The following FES variants were observed in gnomAD, a reference collection of about 807,000 sequenced individuals.
FES encodes the protein FES proto-oncogene, tyrosine kinase, also known as tyrosine-protein kinase Fes/Fps.
FES carries 83 observed loss-of-function variants against 109.6 expected under a neutral mutation model. The ratio of observed to expected loss-of-function variants is 0.76; its 90% CI spans 0.63 to 0.91. The LOEUF (loss-of-function observed/expected upper bound fraction) is 0.91, where lower values mean the gene tolerates loss of function less well. Among genes scored for constraint, FES ranks in the 40% least tolerant of loss-of-function variants. The pLI is 0.00. For missense variants in FES, 943 were observed against 1,070.9 expected (o/e 0.88, Z 1.67); for synonymous variants, 458 against 442.1 (o/e 1.04, Z -0.45).
chr15:90,887,186 G>C lies in FES; in HGVS notation c.485-1G>C, dbSNP rs1596095018. ...TATACCCCTTGCCCCCCTTCTGGCAGACAAGGACCGTGACAAGGCTAAGGA... is the reference window on the plus strand; with the variant it reads ...TATACCCCTTGCCCCCCTTCTGGCACACAAGGACCGTGACAAGGCTAAGGA... On this transcript the variant is annotated splice_acceptor_variant, in intron 4 of 18. Coordinates refer to ENST00000328850, the MANE Select transcript of FES (RefSeq NM_002005.4). LOFTEE classifies it high-confidence loss of function. The C allele has an allele frequency of 6.2e-7, 1 of 1,612,816 alleles. No homozygotes were observed.
chr15:90,885,118 C>T lies in FES; in HGVS notation c.73C>T (p.Arg25Cys), dbSNP rs376111396. The stretch of plus-strand genomic sequence containing the variant: ...GCAGCAAATGCAGGAGGCCGAGCTT[C>T]GTCTACTGGAGGGCATGAGAAAGTG... ...VLQQMQEAEL[R>C]LLEGMRKWMA... is the part of the protein sequence containing the mutation. The change falls in exon 2 of 19, where the codon CGT (arginine) becomes TGT (cysteine). Residue 25 changes from arginine to cysteine, a missense_variant. Physicochemically the swap from Arg to Cys is radical, Grantham distance 180 (BLOSUM62 -3). Coordinates refer to ENST00000328850, the MANE Select transcript of FES (RefSeq NM_002005.4). The T allele has an allele frequency of 4.3e-6, 7 of 1,613,832 alleles. No homozygotes were observed. In the South Asian group the frequency reaches 4.4e-5, roughly 10 times the overall value.
At chr15:90,890,357 C>G (rs1480898101) in intron 9 of FES, 44 bp from the exon 10 acceptor site, 18 of 1,599,510 alleles carry the variant, frequency 1.1e-5, no homozygotes, top group Non-Finnish European at 1.4e-5. Context: ...CGCCCTCCCC[C>G]TCCCTAAGCC....
intron 5 of FES, among the ~76,000 whole-genome samples, chr15:90,887,641 T>C (rs939297765): frequency 6.6e-6 from 1 of 152,162 alleles, no homozygotes; most frequent in Admixed American, 6.5e-5. Flanking sequence ...GACAAAAACA[T>C]CTGTCCTCAG....
chr15:90,885,376 G>GC (rs762275125), intron 2 of FES, 36 bp from the exon 3 acceptor site: 8 of 1,598,304 alleles, frequency 5.0e-6, no homozygotes, highest in Non-Finnish European at 6.0e-6. Context: ...GAGCCATTGT[G>GC]CCCCCCTCCC....
rs1391355581 is a variant in FES at position 90,887,266 on chromosome 15, G to A, written c.564G>A (p.Leu188=). ...KLFAHHNRYV[L]GVRAAQLHHQ... is the part of the protein sequence containing the mutation. Reference sequence around the variant, plus strand: ...TTGCTCACCACAACCGCTATGTGCTGGGCGTGCGGGCTGCGCAGCTACACC... The same window carrying A: ...TTGCTCACCACAACCGCTATGTGCTAGGCGTGCGGGCTGCGCAGCTACACC... The change falls in exon 5 of 19, where the codon CTG becomes CTA. Residue 188 remains leucine (L), a synonymous_variant. Transcript: ENST00000328850. 6.2e-7 allele frequency: 1 copy of A among 1,613,358 alleles called. No homozygotes were observed. Among genetic ancestry groups the A allele is most frequent in the Middle Eastern group, 1.6e-4 (1 of 6,062 alleles).
chr15:90,889,208 A>G lies in FES; in HGVS notation c.669-98A>G. 6.6e-7 allele frequency: 1 copy of G among 1,517,690 alleles called. No homozygotes were observed. Among genetic ancestry groups the G allele is most frequent in the Non-Finnish European group, 8.9e-7 (1 of 1,126,676 alleles). 94.0% of individuals were successfully genotyped at this position (1,517,690 alleles called of 1,614,324 possible). A position where few individuals can be genotyped will look rare whatever the true frequency, so the allele number is the denominator to read the frequency against. On this transcript the variant is annotated intron_variant, in intron 5 of 18. Transcript: ENST00000328850. The surrounding 1 kb of genome is among the most constrained non-coding windows in gnomAD (Gnocchi z 6.1). ...CTAGCTCGAAGTGAGGCAGGGGTCA[A>G]CCCCAGCCCTGACTCCAAACCCAGG...
chr15:90,885,293 G>C lies in FES; in HGVS notation c.213+35G>C, dbSNP rs752038903. ...TATGGGACTCTGGTGGGTGCTGGCT[G>C]TATCTGCCTTCTCCTTCCTCTCCTG... On this transcript the variant is annotated intron_variant, in intron 2 of 18. Transcript: ENST00000328850. The C allele has an allele frequency of 4.7e-5, 71 of 1,522,908 alleles. 2 individuals carry two copies. In the South Asian group the frequency reaches 7.8e-4, roughly 17 times the overall value. The allele number at this position is 1,522,908 out of a possible 1,614,324, so 94.3% of individuals were successfully genotyped here.
chr15:90,890,054 T>C (rs2151258140), intron 8 of FES, 38 bp from the exon 9 acceptor site: 3 of 1,569,362 alleles, frequency 1.9e-6, no homozygotes, highest in African/African-American at 1.3e-5. Flanking sequence ...GACCGAGCCC[T>C]TATTCTCATC....
rs773835352 is a variant in FES, at chr15:90,889,514, C to T, written c.807-3C>T. 7 of 1,613,956 alleles carry T rather than the reference C, an allele frequency of 4.3e-6. No individual in the cohort carries two copies. In the East Asian group the frequency reaches 1.6e-4, roughly 36 times the overall value. Reference sequence around the variant, plus strand: ...TCCACTGACGGGGCGCTGTCCCCCACAGGTCCGCACCTGACGTCCCACCCT... The same window carrying T: ...TCCACTGACGGGGCGCTGTCCCCCATAGGTCCGCACCTGACGTCCCACCCT... On this transcript the variant is annotated splice_region_variant and splice_polypyrimidine_tract_variant and intron_variant, in intron 6 of 18. Coordinates refer to ENST00000328850, the MANE Select transcript of FES (RefSeq NM_002005.4). This position sits in a 1 kb window ranked among gnomAD's most constrained non-coding sequence, Gnocchi z 6.1.
rs771016647 is a variant in FES at position 90,889,295 on chromosome 15, C to G, written c.669-11C>G. 3.1e-6 allele frequency: 5 copies of G among 1,612,682 alleles called. No individual in the cohort carries two copies. The Admixed American group carries it at 8.3e-5, about 27-fold the overall frequency. ...AGGCTCCCCTGACTGGGGATCCCGT[C>G]TCGGGGGCAGGAAGGAGATCCTGCA... On this transcript the variant is annotated splice_polypyrimidine_tract_variant and intron_variant, in intron 5 of 18. Transcript: ENST00000328850. The surrounding 1 kb of genome is among the most constrained non-coding windows in gnomAD (Gnocchi z 6.1).
In FES at chr15:90,889,792, A is replaced by G. The variant is rs1346699406; in HGVS notation, c.927-48A>G. 14 of 1,610,012 alleles carry G rather than the reference A, an allele frequency of 8.7e-6. No homozygotes were observed. Among genetic ancestry groups the G allele is most frequent in the Admixed American group, 3.3e-5 (2 of 59,908 alleles). Reference sequence around the variant, plus strand: ...ACAGGGATGCACTGGACCTGGGTTGAGGGGGCAGGAGGGCTCGGTTCTAAT... The same window carrying G: ...ACAGGGATGCACTGGACCTGGGTTGGGGGGGCAGGAGGGCTCGGTTCTAAT... On this transcript the variant is annotated intron_variant, in intron 7 of 18. Coordinates refer to ENST00000328850, the MANE Select transcript of FES (RefSeq NM_002005.4). This position sits in a 1 kb window ranked among gnomAD's most constrained non-coding sequence, Gnocchi z 6.1.
At position 90,889,256 on chromosome 15, in the gene FES, C is replaced by T. The variant is rs1439709713; in HGVS notation, c.669-50C>T. On this transcript the variant is annotated intron_variant, in intron 5 of 18. Transcript: ENST00000328850. The surrounding 1 kb of genome is among the most constrained non-coding windows in gnomAD (Gnocchi z 6.1). ...AGGGTCCTAGGCCTGAACTGCCCAG[C>T]CTTGCCCAGCCTGAGGCTCCCCTGA... 3 of 1,605,072 alleles carry T rather than the reference C, an allele frequency of 1.9e-6. No individual in the cohort carries two copies. Among genetic ancestry groups the T allele is most frequent in the Non-Finnish European group, 1.7e-6 (2 of 1,176,528 alleles).
At position 90,891,679 on chromosome 15, in the gene FES, GAGCCTGCACCC is replaced by G. The variant is rs750937029; in HGVS notation, c.1653+10_1653+20del. 3 of 1,613,600 alleles carry G rather than the reference GAGCCTGCACCC, an allele frequency of 1.9e-6. No individual in the cohort carries two copies. In the East Asian group the frequency reaches 6.7e-5, roughly 36 times the overall value. On this transcript the variant is annotated splice_donor_5th_base_variant and intron_variant, in intron 12 of 18. Transcript: ENST00000328850. ...TCCTGCACAGGGCTGTGCCCAAGGT[GAGCCTGCACCC>G]AGCCTGGCCCATGCCACCTGTGGCA...
In FES at chr15:90,889,674, C is replaced by G. The variant is rs2151256730; in HGVS notation, c.926+38C>G. The G allele has an allele frequency of 6.2e-7, 1 of 1,610,140 alleles. No homozygotes were observed. The highest frequency in any genetic ancestry group is 2.2e-5 in the East Asian group (1 of 44,846). On this transcript the variant is annotated intron_variant, in intron 7 of 18. Coordinates refer to ENST00000328850, the MANE Select transcript of FES (RefSeq NM_002005.4). This position sits in a 1 kb window ranked among gnomAD's most constrained non-coding sequence, Gnocchi z 6.1. Reference sequence around the variant, plus strand: ...TTTGCACCTGGGCTGCGGCGGGGCTCCCAGCAGACCACGAGTGTTTATGTA... The same window carrying G: ...TTTGCACCTGGGCTGCGGCGGGGCTGCCAGCAGACCACGAGTGTTTATGTA...
At position 90,893,920 on chromosome 15, in the gene FES, C is replaced by T. The variant is rs1417253935; in HGVS notation, c.2204-16C>T. 2 of 1,613,356 alleles carry T rather than the reference C, an allele frequency of 1.2e-6. No homozygotes were observed. The highest frequency in any genetic ancestry group is 1.7e-6 in the Non-Finnish European group (2 of 1,179,952). ...GGGTGCACTCACGCTGCCTCACCTC[C>T]TCGCCTCCTCTGCAGGCCGCTACTC... On this transcript the variant is annotated splice_polypyrimidine_tract_variant and intron_variant, in intron 17 of 18. Transcript: ENST00000328850.
intron 16 of FES, 106 bp downstream of exon 16, chr15:90,893,520 G>A (rs1176576042): frequency 2.0e-6 from 3 of 1,493,190 alleles, no homozygotes; most frequent in Non-Finnish European, 2.7e-6. Flanking sequence ...AGCTCCAGAG[G>A]GGGAGTTGGC....
intron 5 of FES, among the ~76,000 whole-genome samples, chr15:90,888,337 C>T (rs987667498): frequency 1.3e-5 from 2 of 152,206 alleles, no homozygotes; most frequent in African/African-American, 4.8e-5. Flanking sequence ...AATTCCTGGG[C>T]TCAAAGCGAT....
In FES at chr15:90,895,698, C is replaced by T. The variant is rs539577411; in HGVS notation, c.*140C>T. The T allele has an allele frequency of 5.0e-5, 34 of 677,584 alleles. No homozygotes were observed. Among genetic ancestry groups the T allele is most frequent in the African/African-American group, 2.8e-4 (15 of 53,538 alleles). The allele number at this position is 677,584 out of a possible 1,614,324, so 42.0% of individuals were successfully genotyped here. The stretch of plus-strand genomic sequence containing the variant: ...CCACACTGCCGGCAGGATGCAGCGC[C>T]GTGTCCTCTCTGTGTCCCTGCTGCT... On this transcript the variant is annotated 3_prime_UTR_variant, in exon 19 of 19. Transcript: ENST00000328850.
chr15:90,890,042 C>T (rs761087484), intron 8 of FES, 50 bp from the exon 9 acceptor site: 1 of 1,579,630 alleles, frequency 6.3e-7, no homozygotes, highest in African/African-American at 1.3e-5. Flanking sequence ...CTACCCGCCG[C>T]AGACCGAGCC....
Sources: allele counts gnomAD v4.1 joint callset (sites outside exome capture counted in the v4.1 genomes callset), GRCh38; gene constraint gnomAD v4.1.1; non-coding constraint Gnocchi (gnomAD v3.1); transcripts MANE v1.5; gene names NCBI Gene and HGNC (gene_info 2026-07-23, HGNC 2026-07-21).